The following MPRIP variants were observed in gnomAD, a reference collection of about 807,000 sequenced individuals.
MPRIP encodes myosin phosphatase Rho interacting protein.
MPRIP carries 59 observed loss-of-function variants against 234.9 expected under a neutral mutation model. That is an observed-to-expected ratio of 0.25 (90% CI 0.20 to 0.31). MPRIP has a LOEUF of 0.31. MPRIP is among the 10% of genes least tolerant of loss of function. The pLI is 1.00. For synonymous variants in MPRIP, 1,144 were observed against 1,263.9 expected (o/e 0.91, Z 2.01); for missense variants, 2,436 against 3,071.0 (o/e 0.79, Z 4.89).
chr17:17,118,242 C>T (rs1347873135), intron 3 of MPRIP, among the ~76,000 whole-genome samples: 1 of 152,264 alleles, frequency 6.6e-6, no homozygotes, highest in African/African-American at 2.4e-5. Context: ...GGAGCCTGAT[C>T]TAACAAATCA....
chr17:17,175,267 G>A, intron 19 of MPRIP, 26 bp from the exon 20 acceptor site: 3 of 1,612,708 alleles, frequency 1.9e-6, no homozygotes, highest in African/African-American at 1.3e-5. Context: ...GCTCTGGAGT[G>A]TCACTGTTGT....
At position 17,167,396 on chromosome 17, in the gene MPRIP, C is replaced by G; in HGVS notation, c.5805C>G (p.Ser1935Arg). Residue 1935 changes from serine to arginine, a missense_variant, in exon 16 of 24, where the codon AGC becomes AGG. This residue lies in a region of MPRIP where 1,998 missense variants were observed against 2,520.3 expected (regional missense o/e 0.79). Coordinates refer to ENST00000651222, the MANE Select transcript of MPRIP (RefSeq NM_001364716.4). This position sits in a 1 kb window ranked among gnomAD's most constrained non-coding sequence, Gnocchi z 5.9. The part of the protein sequence containing the change: ...HQQQCLEDAE[S>R]KHSMSMFTLR... ...AGCAGTGTCTGGAGGATGCAGAGAG[C>G]AAGCACAGCATGAGCATGTTCACCC... 1 of 1,304,252 alleles carries G rather than the reference C, an allele frequency of 7.7e-7. No individual in the cohort carries two copies. The highest frequency in any genetic ancestry group is 1.0e-6 in the Non-Finnish European group (1 of 988,968). The allele number at this position is 1,304,252 out of a possible 1,614,324, so 80.8% of individuals were successfully genotyped here.
At chr17:17,106,180 C>T (rs1221367828) in intron 3 of MPRIP, among the ~76,000 whole-genome samples, 1 of 152,262 alleles carries the variant, frequency 6.6e-6, no homozygotes, top group African/African-American at 2.4e-5. Flanking sequence ...ATGTCTTTCT[C>T]AGCCCTGCCG....
intron 1 of MPRIP, among the ~76,000 whole-genome samples, chr17:17,044,316 T>C (rs1391189517): frequency 6.6e-6 from 1 of 152,240 alleles, no homozygotes; most frequent in African/African-American, 2.4e-5. Context: ...TCTTCTCATC[T>C]GGATGCTTTT....
In MPRIP at chr17:17,177,313, A is replaced by G; in HGVS notation, c.7021A>G (p.Lys2341Glu). ...IYTELSIAKA[K>E]ADCDISRLKE... ...CACAGAGCTCAGCATCGCGAAGGCT[A>G]AGGCTGACTGTGACATCAGCAGGTT... is the stretch of plus-strand genomic sequence containing the variant. The change falls in exon 22 of 24, where the codon AAG (lysine) becomes GAG (glutamate). Residue 2341 changes from lysine (K) to glutamate (E), a missense_variant. Transcript: ENST00000651222. The G allele has an allele frequency of 6.2e-7, 1 of 1,614,032 alleles. No homozygotes were observed. The highest frequency in any genetic ancestry group is 8.5e-7 in the Non-Finnish European group (1 of 1,179,998).
chr17:17,107,514 T>A (rs1446354654), intron 3 of MPRIP, among the ~76,000 whole-genome samples: 1 of 152,204 alleles, frequency 6.6e-6, no homozygotes, highest in Non-Finnish European at 1.5e-5. Context: ...ACACTGTTGG[T>A]GCAGGGAGAC....
chr17:17,105,184 A>G (rs2090039531), intron 3 of MPRIP, among the ~76,000 whole-genome samples: 2 of 152,142 alleles, frequency 1.3e-5, no homozygotes, highest in South Asian at 4.1e-4. Context: ...CAGGGCAGGG[A>G]GCACTGCCTG....
rs930507952 is a variant in MPRIP at position 17,192,164 on chromosome 17, C to G, written c.*7270C>G. 1.3e-5 allele frequency: 2 copies of G among 152,206 alleles called. No homozygotes were observed. The highest frequency in any genetic ancestry group is 2.4e-5 in the African/African-American group (1 of 41,450). The allele number at this position is 152,206 out of a possible 1,614,324, so 9.4% of individuals were successfully genotyped here. A position where few individuals can be genotyped will look rare whatever the true frequency, so the allele number is the denominator to read the frequency against. On this transcript the variant is annotated 3_prime_UTR_variant, in exon 24 of 24. Coordinates refer to ENST00000651222, the MANE Select transcript of MPRIP (RefSeq NM_001364716.4). ...GCCGCAGCTTGTGATTCCAGCAGTT[C>G]TCACAAACGTTCTGTCACATGATGA...
At chr17:17,106,529 A>G (rs1002351198) in intron 3 of MPRIP, among the ~76,000 whole-genome samples, 2 of 151,922 alleles carry the variant, frequency 1.3e-5, no homozygotes, top group Admixed American at 1.3e-4. Flanking sequence ...TGCCCACCAG[A>G]CAGAATCCAC....
At chr17:17,156,990 T>C (rs963814972) in intron 13 of MPRIP, among the ~76,000 whole-genome samples, 2 of 152,186 alleles carry the variant, frequency 1.3e-5, no homozygotes, top group Non-Finnish European at 2.9e-5. Context: ...GAAACACATG[T>C]GCTCCCTGGA....
At chr17:17,062,622 A>T (rs2088900836) in intron 1 of MPRIP, among the ~76,000 whole-genome samples, 1 of 152,238 alleles carries the variant, frequency 6.6e-6, no homozygotes, top group South Asian at 2.1e-4. Context: ...CAGCGGAGCC[A>T]TGAAGGCCTG....
At chr17:17,126,152 C>T (rs2090486302) in intron 3 of MPRIP, among the ~76,000 whole-genome samples, 1 of 152,182 alleles carries the variant, frequency 6.6e-6, no homozygotes, top group Admixed American at 6.5e-5. Flanking sequence ...CATGCCAGAG[C>T]TGGTGTGGCA....
intron 3 of MPRIP, among the ~76,000 whole-genome samples, chr17:17,085,627 C>G (rs569424873): frequency 6.6e-6 from 1 of 152,368 alleles, no homozygotes; most frequent in African/African-American, 2.4e-5. Flanking sequence ...AGAATACACA[C>G]TGACGGCTGG....
intron 3 of MPRIP, among the ~76,000 whole-genome samples, chr17:17,085,425 A>G (rs1157440371): frequency 2.6e-5 from 4 of 152,232 alleles, no homozygotes; most frequent in Non-Finnish European, 5.9e-5. Context: ...CTCCCCATGC[A>G]TCGCATTCCC....
intron 11 of MPRIP, chr17:17,149,744 A>AAAATATATAAAATATATTT (rs1567751971): frequency 2.3e-4 from 10 of 43,422 alleles, no homozygotes; most frequent in East Asian, 1.3e-3. Context: ...ATATTTTATA[A>AAAATATATAAAATATATTT]TATATTTTAA....
At chr17:17,154,161 C>T in intron 12 of MPRIP, 145 bp from the exon 13 acceptor site, 2 of 647,406 alleles carry the variant, frequency 3.1e-6, no homozygotes, top group South Asian at 1.8e-5. Flanking sequence ...CAGTAGTGGG[C>T]ACATGTGGCA....
chr17:17,168,082 C>A, intron 16 of MPRIP, 167 bp downstream of exon 16: 1 of 504,378 alleles, frequency 2.0e-6, no homozygotes, highest in Non-Finnish European at 3.2e-6. Flanking sequence ...GCAGGCTTAG[C>A]CTCTTGTTCG....
rs532611576 is a variant in MPRIP, at chr17:17,108,644, G to T, written c.268-18058G>T. On this transcript the variant is annotated intron_variant, in intron 3 of 23. Coordinates refer to ENST00000651222, the MANE Select transcript of MPRIP (RefSeq NM_001364716.4). ...GCCTTTGTCTCTAGCCTCTAGAGAG[G>T]TCTGGGCCCCCTGAAGCTGCTTCTC... Among the ~76,000 whole-genome samples the T allele has an allele frequency of 5.9e-5, 9 of 151,982 alleles. No individual in the cohort carries two copies. The East Asian group carries it at 1.7e-3, about 29-fold the overall frequency.
intron 3 of MPRIP, among the ~76,000 whole-genome samples, chr17:17,084,221 T>G (rs1183349814): frequency 6.6e-6 from 1 of 152,232 alleles, no homozygotes; most frequent in Non-Finnish European, 1.5e-5. Flanking sequence ...AGGCCTCTTC[T>G]GTGGTGAAGC....
Sources: gnomAD v4.1 joint callset for allele counts (sites outside exome capture counted in the v4.1 genomes callset) on GRCh38, gnomAD v4.1.1 for gene constraint, gnomAD v4.1.1 regional missense constraint, Gnocchi (gnomAD v3.1) non-coding constraint, MANE v1.5 for transcripts, NCBI Gene and HGNC (gene_info 2026-07-23, HGNC 2026-07-21) for gene names.